IL10RB: variants seen among roughly 807,000 people sequenced by gnomAD.
The protein encoded by IL10RB is interleukin 10 receptor subunit beta, also known as interleukin-10 receptor subunit beta.
IL10RB carries 30 observed loss-of-function variants against 38.7 expected under a neutral mutation model. The ratio of observed to expected loss-of-function variants is 0.78; its 90% confidence interval spans 0.58 to 1.05. The LOEUF is 1.05. Ranked by LOEUF, IL10RB falls within the 50% of genes least tolerant of loss-of-function variation. IL10RB has a pLI of 0.00. For synonymous variants in IL10RB, 142 were observed against 145.9 expected (o/e 0.97, Z 0.19); for missense variants, 328 against 397.1 (o/e 0.83, Z 1.48).
chr21:33,287,698 C>G (rs879036762), intron 5 of IL10RB, among the ~76,000 whole-genome samples: 1 of 152,064 alleles, frequency 6.6e-6, no homozygotes, highest in Non-Finnish European at 1.5e-5. Context: ...GTTGTTCACG[C>G]AGAGTTTCTG....
At position 33,294,899 on chromosome 21, in the gene IL10RB, C is replaced by T. The variant is rs538618222; in HGVS notation, c.805-1285C>T. Among the ~76,000 whole-genome samples the T allele has an allele frequency of 3.0e-4, 45 of 152,240 alleles. No homozygotes were observed. The South Asian group carries it at 7.9e-3, about 27-fold the overall frequency. On this transcript the variant is annotated intron_variant, in intron 6 of 6. Coordinates refer to ENST00000290200, the MANE Select transcript of IL10RB (RefSeq NM_000628.5). ...GGGGCATCTTCATCGTTCAAAGCAC[C>T]GGAGAGACAAAGATTATTAGACTGT... is the stretch of plus-strand genomic sequence containing the variant.
intron 2 of IL10RB, among the ~76,000 whole-genome samples, chr21:33,270,406 A>T: frequency 6.9e-6 from 1 of 144,892 alleles, no homozygotes; most frequent in African/African-American, 2.6e-5. Context: ...TTTGAGACGG[A>T]GTCTCGCTCT....
At position 33,295,344 on chromosome 21, in the gene IL10RB, C is replaced by T. The variant is rs1270626965; in HGVS notation, c.805-840C>T. Among the ~76,000 whole-genome samples, 6 of 115,198 alleles carry T rather than the reference C, an allele frequency of 5.2e-5. No homozygotes were observed. In the Admixed American group the frequency reaches 6.8e-4, roughly 13 times the overall value. 75.6% of individuals were successfully genotyped at this position (115,198 alleles called of 152,430 possible). ...CTGCACTCCAGCCTGGGTGACAGAGCAAGACTCCGTCTGAAAAAAAAAAAA... is the reference window on the plus strand; with the variant it reads ...CTGCACTCCAGCCTGGGTGACAGAGTAAGACTCCGTCTGAAAAAAAAAAAA... On this transcript the variant is annotated intron_variant, in intron 6 of 6. Coordinates refer to ENST00000290200, the MANE Select transcript of IL10RB (RefSeq NM_000628.5).
intron 1 of IL10RB, 122 bp from the exon 2 acceptor site, chr21:33,268,272 T>A (rs1400498593): frequency 1.3e-6 from 2 of 1,563,804 alleles, no homozygotes; most frequent in Non-Finnish European, 1.7e-6. Context: ...TCTCCCTCCC[T>A]CACCCACGTG....
In IL10RB at chr21:33,268,541, A is replaced by C. The variant is rs760467543; in HGVS notation, c.173+24A>C. On this transcript the variant is annotated intron_variant, in intron 2 of 6. Transcript: ENST00000290200. The stretch of plus-strand genomic sequence containing the variant: ...AGGTGGGTCTGGCCTCACTATTGGC[A>C]GGAACGCACCGGAGGAGCCAGCCCT... 3 of 1,554,906 alleles carry C rather than the reference A, an allele frequency of 1.9e-6. No individual in the cohort carries two copies. The African/African-American group carries it at 4.1e-5, about 21-fold the overall frequency.
intron 6 of IL10RB, among the ~76,000 whole-genome samples, chr21:33,291,708 CA>C (rs1989491170): frequency 6.6e-6 from 1 of 152,226 alleles, no homozygotes. Context: ...AGGTTAGCTC[CA>C]GCCAGGATGC....
chr21:33,308,128 T>G (rs1025902265), intron 1 of IL10RB: 2 of 152,250 alleles, frequency 1.3e-5, no homozygotes, highest in Admixed American at 6.5e-5. Flanking sequence ...CCAGAAATTA[T>G]GTATACATAT....
intron 1 of IL10RB, among the ~76,000 whole-genome samples, chr21:33,304,012 C>T (rs1279139067): frequency 6.6e-6 from 1 of 152,144 alleles, no homozygotes; most frequent in East Asian, 1.9e-4. Flanking sequence ...AAAGTGAGCC[C>T]ACCTGACCAG....
chr21:33,277,275 C>T (rs927059462), intron 3 of IL10RB, among the ~76,000 whole-genome samples: 32 of 150,476 alleles, frequency 2.1e-4, no homozygotes, highest in African/African-American at 7.6e-4. Flanking sequence ...GTGGAGATTG[C>T]AGTGAGCCGA....
Position 33,279,835 on chromosome 21 carries a change from G to T in IL10RB, c.415G>T (p.Glu139Ter). 6.2e-7 allele frequency: 1 copy of T among 1,613,540 alleles called. No individual in the cohort carries two copies. Among genetic ancestry groups the T allele is most frequent in the South Asian group, 1.1e-5 (1 of 91,062 alleles). ...MRFLAPKIEN[E>*]YETWTMKNVY... ...TTTCTTAGCCCCTAAAATTGAGAAT[G>T]AATACGAAACTTGGACTATGAAGAA... Residue 139 changes from glutamate (E) to a stop codon, truncating the protein, a stop_gained, in exon 4 of 7, where the codon GAA becomes TAA. Coordinates refer to ENST00000290200, the MANE Select transcript of IL10RB (RefSeq NM_000628.5). LOFTEE classifies it high-confidence loss of function.
At position 33,296,240 on chromosome 21, in the gene IL10RB, T is replaced by C. The variant is rs1268974639; in HGVS notation, c.861T>C (p.Asp287=). 2 of 1,613,890 alleles carry C rather than the reference T, an allele frequency of 1.2e-6. No individual in the cohort carries two copies. The highest frequency in any genetic ancestry group is 1.7e-6 in the Non-Finnish European group (2 of 1,179,912). The change falls in exon 7 of 7, where the codon GAT becomes GAC. Residue 287 remains aspartate (D), a synonymous_variant. Coordinates refer to ENST00000290200, the MANE Select transcript of IL10RB (RefSeq NM_000628.5). The part of the protein sequence containing the change: ...TLLFFSFPLS[D]ENDVFDKLSV... ...TGTTTTTCTCCTTTCCATTGTCGGATGAGAATGATGTTTTTGACAAGCTAA... is the reference window on the plus strand; with the variant it reads ...TGTTTTTCTCCTTTCCATTGTCGGACGAGAATGATGTTTTTGACAAGCTAA...
In IL10RB at chr21:33,266,398, CA is replaced by C; in HGVS notation, c.-66del. 6 of 1,510,598 alleles carry C rather than the reference CA, an allele frequency of 4.0e-6. No individual in the cohort carries two copies. Among genetic ancestry groups the C allele is most frequent in the Non-Finnish European group, 4.4e-6 (5 of 1,126,254 alleles). The allele number at this position is 1,510,598 out of a possible 1,614,324, so 93.6% of individuals were successfully genotyped here. Reference sequence around the variant, plus strand: ...GCTGGTTCCCGGAAGCCGCCGCGGACAAGCTCTCCCGGGCGCGGGCGGGGGT... The same window carrying C: ...GCTGGTTCCCGGAAGCCGCCGCGGACAGCTCTCCCGGGCGCGGGCGGGGGT... On this transcript the variant is annotated 5_prime_UTR_variant, in exon 1 of 7. Transcript: ENST00000290200.
chr21:33,291,142 A>G (rs570598159), intron 6 of IL10RB, among the ~76,000 whole-genome samples: 17 of 152,146 alleles, frequency 1.1e-4, no homozygotes, highest in South Asian at 4.1e-4. Flanking sequence ...TTATACAGAC[A>G]CCAGTCACGG....
At chr21:33,293,912 G>C in intron 6 of IL10RB, 1 of 458,104 alleles carries the variant, frequency 2.2e-6, no homozygotes, top group Admixed American at 2.4e-5. Context: ...CAAAGAATGA[G>C]GGTGGGCCCT....
downstream of IL10RB, among the ~76,000 whole-genome samples, chr21:33,297,874 T>A (rs188220668): frequency 6.6e-6 from 1 of 151,996 alleles, no homozygotes; most frequent in Admixed American, 6.6e-5. Context: ...AAAGGAAGGG[T>A]ATTAGGGTTC....
chr21:33,269,922 T>C (rs553397576), intron 2 of IL10RB, among the ~76,000 whole-genome samples: 200 of 152,300 alleles, frequency 1.3e-3, no homozygotes, highest in African/African-American at 4.7e-3. Context: ...CTTCCCGAAG[T>C]GCTGGGATTA....
intron 6 of IL10RB, among the ~76,000 whole-genome samples, chr21:33,290,770 G>C (rs1352295694): frequency 6.6e-6 from 1 of 152,192 alleles, no homozygotes. Flanking sequence ...GTGCAGGGTG[G>C]GATACGACCA....
In IL10RB at chr21:33,266,444, G is replaced by A. The variant is rs1235284538; in HGVS notation, c.-22G>A. 1 of 1,540,396 alleles carries A rather than the reference G, an allele frequency of 6.5e-7. No homozygotes were observed. The highest frequency in any genetic ancestry group is 2.4e-5 in the East Asian group (1 of 40,846). On this transcript the variant is annotated 5_prime_UTR_variant, in exon 1 of 7. Coordinates refer to ENST00000290200, the MANE Select transcript of IL10RB (RefSeq NM_000628.5). Reference sequence around the variant, plus strand: ...GGGGGTCGTGTGCTTGGAGGAAGCCGCGGAACCCCCAGCGTCCGTCCATGG... The same window carrying A: ...GGGGGTCGTGTGCTTGGAGGAAGCCACGGAACCCCCAGCGTCCGTCCATGG...
At chr21:33,301,977 T>A (rs1006804536), downstream of IL10RB, among the ~76,000 whole-genome samples, 4 of 152,190 alleles carry the variant, frequency 2.6e-5, no homozygotes, top group Non-Finnish European at 5.9e-5. Flanking sequence ...AATGACCTGC[T>A]TCTACCCATG....
Sources: allele counts gnomAD v4.1 joint callset (sites outside exome capture counted in the v4.1 genomes callset), GRCh38; gene constraint gnomAD v4.1.1; transcripts MANE v1.5; gene names NCBI Gene and HGNC (gene_info 2026-07-23, HGNC 2026-07-21).